NMNAT2: variants seen among roughly 807,000 people sequenced by gnomAD.
NMNAT2 encodes nicotinamide/nicotinic acid mononucleotide adenylyltransferase 2.
NMNAT2 carries 11 observed loss-of-function variants against 41.6 expected under a neutral mutation model. The observed-to-expected ratio is 0.26, with a 90% confidence interval of 0.17 to 0.44. The LOEUF (loss-of-function observed/expected upper bound fraction) is 0.44, where lower values mean the gene tolerates loss of function less well. Among genes scored for constraint, NMNAT2 ranks in the 20% least tolerant of loss-of-function variants. The pLI is 1.00. For missense variants in NMNAT2, 288 were observed against 407.7 expected (o/e 0.71, Z 2.53); for synonymous variants, 148 against 151.2 (o/e 0.98, Z 0.16).
At chr1:183,364,994 G>A (rs954818424) in intron 1 of NMNAT2, among the ~76,000 whole-genome samples, 1 of 152,090 alleles carries the variant, frequency 6.6e-6, no homozygotes, top group Admixed American at 6.6e-5. Flanking sequence ...TCCACCCAGT[G>A]CCCCATGAAC....
intron 1 of NMNAT2, among the ~76,000 whole-genome samples, chr1:183,349,854 G>A (rs1327334101): frequency 6.6e-6 from 1 of 152,222 alleles, no homozygotes; most frequent in Non-Finnish European, 1.5e-5. Flanking sequence ...GGAGGGGGAA[G>A]TAGGAAGCCC....
chr1:183,330,889 A>G (rs915609267), intron 1 of NMNAT2, among the ~76,000 whole-genome samples: 7 of 152,198 alleles, frequency 4.6e-5, no homozygotes, highest in Non-Finnish European at 8.8e-5. Flanking sequence ...TTCAGGGCTC[A>G]GAGCTCCCAG....
chr1:183,315,916 AT>A (rs1403601789), intron 1 of NMNAT2, among the ~76,000 whole-genome samples: 2 of 152,232 alleles, frequency 1.3e-5, no homozygotes, highest in Admixed American at 1.3e-4. Context: ...AAGTAAAAAA[AT>A]AAAAAAATAA....
At chr1:183,389,756 GAAAGAA>G (rs1648386273) in intron 1 of NMNAT2, among the ~76,000 whole-genome samples, 708 of 26,852 alleles carry the variant, frequency 0.026, 17 homozygotes, top group Admixed American at 0.043. Context: ...AAGAAAGAAA[GAAAGAA>G]AGAAAGAAAG....
chr1:183,293,176 G>T (rs765706328), intron 2 of NMNAT2, among the ~76,000 whole-genome samples: 3 of 152,248 alleles, frequency 2.0e-5, no homozygotes, highest in African/African-American at 2.4e-5. Context: ...TTATGGCTCA[G>T]TCTGGCTGGT....
At chr1:183,371,983 T>C (rs1663554550) in intron 1 of NMNAT2, among the ~76,000 whole-genome samples, 1 of 152,112 alleles carries the variant, frequency 6.6e-6, no homozygotes, top group Non-Finnish European at 1.5e-5. Context: ...TCTCAACACA[T>C]TGCCCAGGCT....
intron 1 of NMNAT2, among the ~76,000 whole-genome samples, chr1:183,410,754 T>TC (rs991457799): frequency 6.7e-6 from 1 of 148,986 alleles, no homozygotes; most frequent in Non-Finnish European, 1.5e-5. Flanking sequence ...TTAATTTCCT[T>TC]TTTTTTTTTT....
At chr1:183,315,925 T>C (rs1391288755) in intron 1 of NMNAT2, among the ~76,000 whole-genome samples, 4 of 151,640 alleles carry the variant, frequency 2.6e-5, no homozygotes, top group Non-Finnish European at 4.4e-5. Context: ...AATAAAAAAA[T>C]AAAATGAGTA....
At position 183,295,984 on chromosome 1, in the gene NMNAT2, GATTAC is replaced by G. The variant is rs534446697; in HGVS notation, c.86-2196_86-2192del. ...CTGCCTCAGCCTCCCAAGTAGTTGG[GATTAC>G]AGGCGCCTACCACCATGCCCAGCTA... On this transcript the variant is annotated intron_variant, in intron 1 of 10. Transcript: ENST00000287713. Among the ~76,000 whole-genome samples the G allele has an allele frequency of 2.6e-3, 394 of 152,196 alleles. 11 individuals are homozygous for G. In the East Asian group the frequency reaches 0.063, roughly 24 times the overall value.
In NMNAT2 at chr1:183,317,369, A is replaced by C. The variant is rs1002749533; in HGVS notation, c.86-23576T>G. Reference sequence around the variant, plus strand: ...TGGCTCAAGTGATCCTGCTGGGCTCAAGCGATCCTCTTGCCTCAGCCTCTC... The same window carrying C: ...TGGCTCAAGTGATCCTGCTGGGCTCCAGCGATCCTCTTGCCTCAGCCTCTC... On this transcript the variant is annotated intron_variant, in intron 1 of 10. Transcript: ENST00000287713. Among the ~76,000 whole-genome samples the C allele has an allele frequency of 3.3e-5, 5 of 152,184 alleles. No homozygotes were observed. In the South Asian group the frequency reaches 1.0e-3, roughly 32 times the overall value.
At chr1:183,298,167 C>T (rs1414778503) in intron 1 of NMNAT2, among the ~76,000 whole-genome samples, 1 of 152,076 alleles carries the variant, frequency 6.6e-6, no homozygotes, top group Non-Finnish European at 1.5e-5. Flanking sequence ...GCTCTCATTG[C>T]TGTTATTCAA....
chr1:183,412,865 G>A (rs1649156151), intron 1 of NMNAT2, among the ~76,000 whole-genome samples: 1 of 152,116 alleles, frequency 6.6e-6, no homozygotes, highest in Admixed American at 6.5e-5. Context: ...TATTAAATGA[G>A]GTCAATATGT....
chr1:183,401,724 AC>A (rs1648813002), intron 1 of NMNAT2, among the ~76,000 whole-genome samples: 1 of 152,214 alleles, frequency 6.6e-6, no homozygotes, highest in African/African-American at 2.4e-5. Flanking sequence ...ACCATGGAAT[AC>A]TATGCAGCCA....
intron 1 of NMNAT2, among the ~76,000 whole-genome samples, chr1:183,317,308 G>C (rs572381363): frequency 1.3e-5 from 2 of 152,190 alleles, no homozygotes; most frequent in Admixed American, 1.3e-4. Flanking sequence ...TTGAGACAGG[G>C]TCTGTCACCC....
intron 10 of NMNAT2, among the ~76,000 whole-genome samples, chr1:183,256,340 C>T (rs149754517): frequency 0.12 from 18,250 of 151,920 alleles, 1,127 homozygotes; most frequent in East Asian, 0.2. Context: ...ACCCAGGAGG[C>T]GGAGGTTGCA....
chr1:183,278,519 C>T, intron 8 of NMNAT2, 34 bp downstream of exon 8: 1 of 1,503,968 alleles, frequency 6.6e-7, no homozygotes, highest in Non-Finnish European at 9.3e-7. Flanking sequence ...CTCCCAGTCC[C>T]AGCTGGGTGC....
At chr1:183,318,074 A>G (rs1662290666) in intron 1 of NMNAT2, among the ~76,000 whole-genome samples, 1 of 152,198 alleles carries the variant, frequency 6.6e-6, no homozygotes, top group Non-Finnish European at 1.5e-5. Context: ...AGTTATTCTA[A>G]GGGCAGAGGT....
At chr1:183,382,579 T>G (rs1235882383) in intron 1 of NMNAT2, among the ~76,000 whole-genome samples, 1 of 152,172 alleles carries the variant, frequency 6.6e-6, no homozygotes, top group Non-Finnish European at 1.5e-5. Context: ...GTTAGTTACT[T>G]CCAAGATACA....
chr1:183,326,498 C>T lies in NMNAT2; in HGVS notation c.86-32705G>A, dbSNP rs151199199. Among the ~76,000 whole-genome samples, 13 of 151,628 alleles carry T rather than the reference C, an allele frequency of 8.6e-5. No homozygotes were observed. In the East Asian group the frequency reaches 2.1e-3, roughly 25 times the overall value. Reference sequence around the variant, plus strand: ...TGAGGCATGAATGAAGAGGAGGATCCAGGGGCAGACTTAGAAGCTTAGCTT... The same window carrying T: ...TGAGGCATGAATGAAGAGGAGGATCTAGGGGCAGACTTAGAAGCTTAGCTT... On this transcript the variant is annotated intron_variant, in intron 1 of 10. Transcript: ENST00000287713.
Sources: allele counts gnomAD v4.1 joint callset (sites outside exome capture counted in the v4.1 genomes callset), GRCh38; gene constraint gnomAD v4.1.1; transcripts MANE v1.5; gene names NCBI Gene and HGNC (gene_info 2026-07-23, HGNC 2026-07-21).